TNFSF8: variants seen among roughly 807,000 people sequenced by gnomAD.
TNFSF8 encodes the protein TNF superfamily member 8.
A neutral mutation model predicts 22.0 loss-of-function variants in TNFSF8; 4 were observed. The observed-to-expected ratio is 0.18, with a 90% CI of 0.09 to 0.42. The LOEUF (loss-of-function observed/expected upper bound fraction) is 0.42, where lower values mean the gene tolerates loss of function less well. TNFSF8 is among the 10% of genes least tolerant of loss of function. The probability of loss-of-function intolerance (pLI) is 1.00; values close to 1 mark genes in which losing one functional copy is unlikely to be tolerated. For missense variants in TNFSF8, 233 were observed against 281.8 expected (o/e 0.83, Z 1.24); for synonymous variants, 106 against 112.5 (o/e 0.94, Z 0.37).
intron 3 of TNFSF8, among the ~76,000 whole-genome samples, chr9:114,904,937 G>A (rs746312639): frequency 3.6e-4 from 55 of 152,052 alleles, no homozygotes; most frequent in Non-Finnish European, 7.6e-4. Context: ...CCCTTCAAAG[G>A]GCAGCCAAAA....
intron 3 of TNFSF8, among the ~76,000 whole-genome samples, chr9:114,904,720 A>G (rs905495183): frequency 6.6e-6 from 1 of 152,196 alleles, no homozygotes; most frequent in Non-Finnish European, 1.5e-5. Flanking sequence ...TTTATCATGA[A>G]TGGTCATTGC....
chr9:114,928,525 C>T (rs1163366979), intron 1 of TNFSF8, among the ~76,000 whole-genome samples: 1 of 151,538 alleles, frequency 6.6e-6, no homozygotes, highest in Non-Finnish European at 1.5e-5. Context: ...TTTCCACCAT[C>T]TCTCTCTCTC....
chr9:114,897,645 G>C (rs1827670272), downstream of TNFSF8, among the ~76,000 whole-genome samples: 1 of 152,220 alleles, frequency 6.6e-6, no homozygotes, highest in South Asian at 2.1e-4. Flanking sequence ...TCAGGCAAAA[G>C]AGTGTGACAG....
chr9:114,909,996 G>A (rs1174008565), intron 2 of TNFSF8, among the ~76,000 whole-genome samples: 1 of 152,188 alleles, frequency 6.6e-6, no homozygotes, highest in African/African-American at 2.4e-5. Flanking sequence ...AGAGAGACAG[G>A]ACCAGAGACC....
At position 114,904,024 on chromosome 9, in the gene TNFSF8, T is replaced by C; in HGVS notation, c.612A>G (p.Ile204Met). ...ACTGGAATGTATCCACATTGACTGA[T>C]ATGGTGGTGTTGACCTGCAGGTAAT... ...LLDYLQVNTT[I>M]SVNVDTFQYI... Residue 204 changes from isoleucine (I) to methionine (M), a missense_variant, in exon 4 of 4, where the codon ATA (isoleucine) becomes ATG (methionine). Ile to Met is a conservative substitution (Grantham distance 10). Coordinates refer to ENST00000223795, the MANE Select transcript of TNFSF8 (RefSeq NM_001244.4). The C allele has an allele frequency of 6.2e-7, 1 of 1,614,156 alleles. No homozygotes were observed. The highest frequency in any genetic ancestry group is 8.5e-7 in the Non-Finnish European group (1 of 1,179,988).
intron 2 of TNFSF8, among the ~76,000 whole-genome samples, chr9:114,912,033 GA>G (rs1203055082): frequency 6.6e-6 from 1 of 152,192 alleles, no homozygotes; most frequent in Non-Finnish European, 1.5e-5. Context: ...AGCAATTTTA[GA>G]AAGTTCGTTT....
At chr9:114,926,582 G>A (rs1346226773) in intron 1 of TNFSF8, among the ~76,000 whole-genome samples, 3 of 152,258 alleles carry the variant, frequency 2.0e-5, no homozygotes, top group South Asian at 2.1e-4. Flanking sequence ...TTTACACTTC[G>A]TACTATGCGA....
chr9:114,911,653 G>A (rs1827853153), intron 2 of TNFSF8, among the ~76,000 whole-genome samples: 1 of 152,184 alleles, frequency 6.6e-6, no homozygotes. Flanking sequence ...TGCTGACTGA[G>A]CACATAGGAA....
chr9:114,922,722 C>T (rs1395464800), intron 1 of TNFSF8, among the ~76,000 whole-genome samples: 1 of 152,098 alleles, frequency 6.6e-6, no homozygotes, highest in Non-Finnish European at 1.5e-5. Context: ...ATAGAAAATC[C>T]TCAGGGGAAG....
intron 2 of TNFSF8, among the ~76,000 whole-genome samples, chr9:114,907,158 A>G (rs897277584): frequency 1.3e-5 from 2 of 152,116 alleles, no homozygotes; most frequent in African/African-American, 4.8e-5. Context: ...AGTTAAATGA[A>G]GAGTTCCCTC....
At chr9:114,914,114 G>A (rs1413677891) in intron 2 of TNFSF8, among the ~76,000 whole-genome samples, 1 of 152,216 alleles carries the variant, frequency 6.6e-6, no homozygotes, top group African/African-American at 2.4e-5. Context: ...GTGGAAAGTG[G>A]AGGGGAAATG....
intron 2 of TNFSF8, among the ~76,000 whole-genome samples, chr9:114,908,974 C>T (rs1478683656): frequency 3.3e-5 from 5 of 152,146 alleles, no homozygotes; most frequent in Admixed American, 2.6e-4. Context: ...AGATGAAGCC[C>T]TCAGCTAAGA....
chr9:114,920,150 CACA>C (rs1827969888), intron 1 of TNFSF8, among the ~76,000 whole-genome samples: 1 of 152,186 alleles, frequency 6.6e-6, no homozygotes, highest in African/African-American at 2.4e-5. Flanking sequence ...TGAGACAACA[CACA>C]ACATTTTAAA....
intron 1 of TNFSF8, among the ~76,000 whole-genome samples, chr9:114,924,250 G>T (rs1167140042): frequency 6.6e-6 from 1 of 152,116 alleles, no homozygotes; most frequent in East Asian, 1.9e-4. Context: ...TTCTAACAAG[G>T]CCCAGGACCA....
At chr9:114,897,586 T>C (rs1266757214), downstream of TNFSF8, among the ~76,000 whole-genome samples, 1 of 152,194 alleles carries the variant, frequency 6.6e-6, no homozygotes, top group Non-Finnish European at 1.5e-5. Context: ...GGAAGACTTC[T>C]CTGAGGAGGT....
intron 1 of TNFSF8, among the ~76,000 whole-genome samples, chr9:114,923,159 G>A (rs1828010077): frequency 6.6e-6 from 1 of 152,042 alleles, no homozygotes; most frequent in Admixed American, 6.6e-5. Context: ...AATCTGGACT[G>A]ACTTCTGGCC....
Position 114,901,145 on chromosome 9 carries a change from T to G in TNFSF8, c.*2786A>C. On this transcript the variant is annotated 3_prime_UTR_variant, in exon 4 of 4. Transcript: ENST00000223795. ...AGGCATATGTTTTAGGTAGCCTGAG[T>G]TCCCAGTTAGATAAATTATTTATTT... is the stretch of plus-strand genomic sequence containing the variant. 1 of 985,268 alleles carries G rather than the reference T, an allele frequency of 1.0e-6. No homozygotes were observed. Among genetic ancestry groups the G allele is most frequent in the South Asian group, 4.7e-5 (1 of 21,280 alleles). The allele number at this position is 985,268 out of a possible 1,614,324, so 61.0% of individuals were successfully genotyped here. A position where few individuals can be genotyped will look rare whatever the true frequency, so the allele number is the denominator to read the frequency against.
chr9:114,902,679 G>T lies in TNFSF8; in HGVS notation c.*1252C>A. 1.0e-6 allele frequency: 1 copy of T among 985,352 alleles called. No homozygotes were observed. Among genetic ancestry groups the T allele is most frequent in the African/African-American group, 1.7e-5 (1 of 57,310 alleles). 61.0% of individuals were successfully genotyped at this position (985,352 alleles called of 1,614,324 possible). A position where few individuals can be genotyped will look rare whatever the true frequency, so the allele number is the denominator to read the frequency against. ...TACTAGTGTCTTCAATTATATACTGGGGTAGGGGGGCCTTATTTTGGTTGG... is the reference window on the plus strand; with the variant it reads ...TACTAGTGTCTTCAATTATATACTGTGGTAGGGGGGCCTTATTTTGGTTGG... On this transcript the variant is annotated 3_prime_UTR_variant, in exon 4 of 4. Coordinates refer to ENST00000223795, the MANE Select transcript of TNFSF8 (RefSeq NM_001244.4).
intron 3 of TNFSF8, among the ~76,000 whole-genome samples, chr9:114,905,622 G>T (rs1016828763): frequency 6.6e-6 from 1 of 152,198 alleles, no homozygotes; most frequent in African/African-American, 2.4e-5. Flanking sequence ...TGAGGAAAGA[G>T]AAGCCTTGTA....
Sources: allele counts gnomAD v4.1 joint callset (sites outside exome capture counted in the v4.1 genomes callset), GRCh38; gene constraint gnomAD v4.1.1; transcripts MANE v1.5; gene names NCBI Gene and HGNC (gene_info 2026-07-23, HGNC 2026-07-21).